Variants in ADGRE2 observed in about 807,000 individuals in gnomAD.
ADGRE2 encodes the protein CD97 antigen.
ADGRE2 carries 83 observed loss-of-function variants against 100.8 expected under a neutral mutation model. The ratio of observed to expected loss-of-function variants is 0.82; its 90% CI spans 0.69 to 0.99. The LOEUF is 0.99. Among genes scored for constraint, ADGRE2 ranks in the 50% least tolerant of loss-of-function variants. The probability of loss-of-function intolerance (pLI) is 0.00; values close to 1 mark genes in which losing one functional copy is unlikely to be tolerated. For missense variants in ADGRE2, 814 were observed against 1,035.7 expected (o/e 0.79, Z 2.94); for synonymous variants, 355 against 413.0 (o/e 0.86, Z 1.70).
chr19:14,725,118 A>G, the ADGRE2 span, among the ~76,000 whole-genome samples: 2 of 152,330 alleles, frequency 1.3e-5, no homozygotes, highest in Admixed American at 1.3e-4. Context: ...CAAAAAGTGA[A>G]GCAGGAGCAG....
At chr19:14,768,418 T>C (rs1294119113) in intron 5 of ADGRE2, among the ~76,000 whole-genome samples, 1 of 152,218 alleles carries the variant, frequency 6.6e-6, no homozygotes, top group East Asian at 1.9e-4. Flanking sequence ...TGAGAAAGAC[T>C]GGCCCTGGGT....
chr19:14,769,870 T>C (rs1013985362), intron 5 of ADGRE2, among the ~76,000 whole-genome samples: 1 of 152,074 alleles, frequency 6.6e-6, no homozygotes, highest in African/African-American at 2.4e-5. Context: ...GCTAATTTTT[T>C]TGTATTTGTA....
At chr19:14,772,559 C>T in intron 4 of ADGRE2, 62 bp from the exon 5 acceptor site, 4 of 1,584,954 alleles carry the variant, frequency 2.5e-6, no homozygotes, top group Admixed American at 1.8e-5. Flanking sequence ...GGGCAGAGAC[C>T]CCCGTCCTGA....
chr19:14,753,020 T>A (rs886872794), intron 14 of ADGRE2, among the ~76,000 whole-genome samples: 4 of 152,026 alleles, frequency 2.6e-5, no homozygotes, highest in Non-Finnish European at 5.9e-5. Context: ...TCCACCCGCC[T>A]CGGCCTCCCA....
At chr19:14,728,411 TCTC>T (rs1052431431), downstream of ADGRE2, among the ~76,000 whole-genome samples, 4 of 152,184 alleles carry the variant, frequency 2.6e-5, no homozygotes, top group Non-Finnish European at 4.4e-5. Context: ...GGGGTGGTCT[TCTC>T]CTCTCATCCC....
intron 2 of ADGRE2, among the ~76,000 whole-genome samples, chr19:14,776,137 G>C (rs933207596): frequency 4.6e-5 from 7 of 152,098 alleles, no homozygotes; most frequent in African/African-American, 1.7e-4. Flanking sequence ...AGGTCACCAG[G>C]GGCTTTAGAG....
At chr19:14,777,088 T>C (rs2044473294) in intron 1 of ADGRE2, 161 bp from the exon 2 acceptor site, 1 of 985,292 alleles carries the variant, frequency 1.0e-6, no homozygotes, top group Non-Finnish European at 1.2e-6. Flanking sequence ...ACCATGTGGC[T>C]CTGACCAACC....
chr19:14,757,565 T>C (rs1361130015), intron 11 of ADGRE2, among the ~76,000 whole-genome samples: 1 of 152,144 alleles, frequency 6.6e-6, no homozygotes, highest in African/African-American at 2.4e-5. Flanking sequence ...TTATGGTCAG[T>C]TGATTCTCAA....
intron 14 of ADGRE2, among the ~76,000 whole-genome samples, chr19:14,754,439 T>TTATCTATCTATCTATCTATA (rs2043411932): frequency 7.9e-6 from 1 of 126,248 alleles, no homozygotes; most frequent in African/African-American, 3.1e-5. Flanking sequence ...CAGGCAGAAA[T>TTATCTATCTATCTATCTATA]TATCTATCTA....
At chr19:14,736,426 T>TAAA (rs2042747168) in intron 20 of ADGRE2, among the ~76,000 whole-genome samples, 182 bp from the exon 21 acceptor site, 2 of 152,000 alleles carry the variant, frequency 1.3e-5, no homozygotes, top group Non-Finnish European at 2.9e-5. Context: ...CACACCCGGC[T>TAAA]AATTTTGTAT....
downstream of ADGRE2, among the ~76,000 whole-genome samples, chr19:14,729,119 G>GT (rs1444726673): frequency 2.6e-5 from 4 of 152,140 alleles, no homozygotes; most frequent in Non-Finnish European, 5.9e-5. Context: ...CGGGAAGGCT[G>GT]TTTATAGTAA....
At chr19:14,752,586 A>AGAG in intron 14 of ADGRE2, 60 bp from the exon 15 acceptor site, 1 of 1,564,582 alleles carries the variant, frequency 6.4e-7, no homozygotes, top group Non-Finnish European at 8.7e-7. Context: ...TAATGACCCC[A>AGAG]CCACCATTTA....
intron 4 of ADGRE2, 21 bp from the exon 5 acceptor site, chr19:14,772,518 A>T: frequency 6.2e-7 from 1 of 1,612,546 alleles, no homozygotes; most frequent in South Asian, 1.1e-5. Context: ...ACAGGACAGG[A>T]GGTCATCTCC....
At chr19:14,773,449 C>T (rs1368585471) in intron 4 of ADGRE2, among the ~76,000 whole-genome samples, 3 of 148,240 alleles carry the variant, frequency 2.0e-5, no homozygotes, top group Non-Finnish European at 4.4e-5. Context: ...TCCTGTTGCC[C>T]AGACAATCCC....
chr19:14,753,859 G>A (rs2043386811), intron 14 of ADGRE2, among the ~76,000 whole-genome samples: 3 of 152,006 alleles, frequency 2.0e-5, no homozygotes, highest in Admixed American at 1.3e-4. Flanking sequence ...ATAAGCTCTG[G>A]GCTCTTCCTG....
intron 11 of ADGRE2, among the ~76,000 whole-genome samples, chr19:14,756,914 A>ATTT (rs35330041): frequency 6.8e-5 from 10 of 147,298 alleles, no homozygotes; most frequent in African/African-American, 2.2e-4. Flanking sequence ...TTTTTTGAGT[A>ATTT]TTTTTTTTTT....
intron 5 of ADGRE2, among the ~76,000 whole-genome samples, chr19:14,769,761 C>A (rs1479344294): frequency 2.6e-5 from 4 of 151,964 alleles, no homozygotes; most frequent in African/African-American, 4.8e-5. Context: ...TGCAGTGGTG[C>A]CATCTCGGCT....
chr19:14,744,005 C>T (rs1234532119), intron 18 of ADGRE2, among the ~76,000 whole-genome samples: 1 of 152,068 alleles, frequency 6.6e-6, no homozygotes, highest in Non-Finnish European at 1.5e-5. Flanking sequence ...TTTGGGGGGC[C>T]AAGGCAGGCA....
At chr19:14,740,194 T>C (rs948874706) in intron 20 of ADGRE2, among the ~76,000 whole-genome samples, 4 of 151,946 alleles carry the variant, frequency 2.6e-5, no homozygotes, top group African/African-American at 9.7e-5. Flanking sequence ...GCATGGAGTT[T>C]ACAATGTGTC....
Sources: gnomAD v4.1 joint callset for allele counts (sites outside exome capture counted in the v4.1 genomes callset) on GRCh38, gnomAD v4.1.1 for gene constraint, MANE v1.5 for transcripts, NCBI Gene and HGNC (gene_info 2026-07-23, HGNC 2026-07-21) for gene names.